PRKCZ: variants seen among roughly 807,000 people sequenced by gnomAD.
PRKCZ encodes protein kinase C zeta.
Under a neutral mutation model 79.5 loss-of-function variants are expected in PRKCZ, and 33 were observed. The observed-to-expected ratio is 0.41, with a 90% CI of 0.31 to 0.55. PRKCZ has a LOEUF of 0.55. Among genes scored for constraint, PRKCZ ranks in the 20% least tolerant of loss-of-function variants. PRKCZ has a pLI of 0.19. For missense variants in PRKCZ, 578 were observed against 813.5 expected (o/e 0.71, Z 3.52); for synonymous variants, 342 against 320.9 (o/e 1.07, Z -0.70).
intron 4 of PRKCZ, among the ~76,000 whole-genome samples, chr1:2,123,978 CGGTGGTTAGGGTCGT>C (rs1477853170): frequency 9.3e-5 from 1 of 10,764 alleles, no homozygotes; most frequent in Non-Finnish European, 1.8e-4. Flanking sequence ...AGGGTCACGG[CGGTGGTTAGGGTCGT>C]GGTGGTTAGG....
At chr1:2,076,900 T>C (rs1662528803) in intron 4 of PRKCZ, among the ~76,000 whole-genome samples, 1 of 152,142 alleles carries the variant, frequency 6.6e-6, no homozygotes, top group African/African-American at 2.4e-5. Flanking sequence ...GCCCGGCAGC[T>C]CATTTCTAGG....
At chr1:2,060,990 A>G (rs564579425) in intron 4 of PRKCZ, among the ~76,000 whole-genome samples, 17 of 152,210 alleles carry the variant, frequency 1.1e-4, no homozygotes, top group Non-Finnish European at 1.6e-4. Flanking sequence ...TTTTATAGAT[A>G]CATAAACACA....
intron 4 of PRKCZ, among the ~76,000 whole-genome samples, chr1:2,110,366 C>T (rs2102699981): frequency 6.6e-6 from 1 of 152,362 alleles, no homozygotes; most frequent in South Asian, 2.1e-4. Context: ...TCCCTCTCTG[C>T]AGCTCCGGCA....
chr1:2,062,101 G>A (rs1660727742), intron 4 of PRKCZ, among the ~76,000 whole-genome samples: 1 of 152,076 alleles, frequency 6.6e-6, no homozygotes, highest in Admixed American at 6.6e-5. Flanking sequence ...ACCGTCAGCA[G>A]AGGACCTTCT....
At position 2,135,314 on chromosome 1, in the gene PRKCZ, C is replaced by G; in HGVS notation, c.387C>G (p.Asn129Lys). Residue 129 changes from asparagine to lysine, a missense_variant, in exon 5 of 18, where the codon AAC (asparagine) becomes AAG (lysine). Around this residue, in one of 4 missense-constraint regions of PRKCZ, gnomAD observed 228 missense variants for 211.6 expected, o/e 1.08. Transcript: ENST00000378567. Reference sequence around the variant, plus strand: ...GATGGAGGAAGCTGTACCGTGCCAACGGCCACCTCTTCCAAGCCAAGCGCT... The same window carrying G: ...GATGGAGGAAGCTGTACCGTGCCAAGGGCCACCTCTTCCAAGCCAAGCGCT... ...ARRWRKLYRA[N>K]GHLFQAKRFN... 6.2e-7 allele frequency: 1 copy of G among 1,613,384 alleles called. No individual in the cohort carries two copies. The highest frequency in any genetic ancestry group is 8.5e-7 in the Non-Finnish European group (1 of 1,179,784).
intron 4 of PRKCZ, among the ~76,000 whole-genome samples, chr1:2,067,918 CTG>C (rs1185972112): frequency 1.3e-5 from 2 of 152,232 alleles, no homozygotes; most frequent in Non-Finnish European, 2.9e-5. Context: ...CTTTGCCTGT[CTG>C]TGTCTGGGGT....
At chr1:2,065,048 T>C (rs1263221526) in intron 4 of PRKCZ, among the ~76,000 whole-genome samples, 1 of 152,250 alleles carries the variant, frequency 6.6e-6, no homozygotes, top group Non-Finnish European at 1.5e-5. Flanking sequence ...CAGTTTTCCT[T>C]GTACAAGTCT....
chr1:2,074,323 T>C, intron 4 of PRKCZ: 1 of 1,538,550 alleles, frequency 6.5e-7, no homozygotes. Flanking sequence ...TGTGGAGGGC[T>C]GGGGGCCGGG....
chr1:2,172,785 G>A lies in PRKCZ; in HGVS notation c.1285+397G>A, dbSNP rs887017886. Among the ~76,000 whole-genome samples the A allele has an allele frequency of 3.9e-5, 6 of 152,248 alleles. No individual in the cohort carries two copies. The highest frequency in any genetic ancestry group is 7.2e-5 in the African/African-American group (3 of 41,468). On this transcript the variant is annotated intron_variant, in intron 13 of 17. Transcript: ENST00000378567. The surrounding 1 kb of genome is among the most constrained non-coding windows in gnomAD (Gnocchi z 7.8). ...GTGGACAGGACCCCACAGGCCCTGC[G>A]GCTGAGGACGCCGTGCACACCAGAG...
At chr1:2,158,561 T>C (rs1681573367) in intron 10 of PRKCZ, among the ~76,000 whole-genome samples, 1 of 152,244 alleles carries the variant, frequency 6.6e-6, no homozygotes, top group Non-Finnish European at 1.5e-5. Flanking sequence ...CTGCCATCCC[T>C]TGCGATTTGG....
At chr1:2,087,045 G>T (rs1435093432) in intron 4 of PRKCZ, among the ~76,000 whole-genome samples, 1 of 152,008 alleles carries the variant, frequency 6.6e-6, no homozygotes, top group Non-Finnish European at 1.5e-5. Context: ...GGCTTTATTT[G>T]TTTCTGTTTG....
chr1:2,109,338 C>T (rs4648806), intron 4 of PRKCZ, among the ~76,000 whole-genome samples: 116,916 of 151,876 alleles, frequency 0.77, 47,580 homozygotes, highest in Non-Finnish European at 0.88. Context: ...GGGCGATGGT[C>T]GGGGGGCACC....
intron 10 of PRKCZ, among the ~76,000 whole-genome samples, chr1:2,160,459 C>A (rs908598465): frequency 2.6e-5 from 4 of 151,990 alleles, no homozygotes; most frequent in Non-Finnish European, 5.9e-5. Flanking sequence ...AGGAGGGGCT[C>A]ATGGGGGACA....
At chr1:2,095,983 G>A (rs1464115302) in intron 4 of PRKCZ, among the ~76,000 whole-genome samples, 5 of 145,260 alleles carry the variant, frequency 3.4e-5, no homozygotes, top group Non-Finnish European at 6.0e-5. Context: ...CCAGGGGCCA[G>A]GGCAGGGCTG....
At chr1:2,131,866 C>T (rs1369682934) in intron 4 of PRKCZ, among the ~76,000 whole-genome samples, 3 of 152,246 alleles carry the variant, frequency 2.0e-5, no homozygotes, top group Non-Finnish European at 4.4e-5. Flanking sequence ...GGCTGGAGTG[C>T]AGTGGCGCGA....
chr1:2,183,478 G>A (rs1342462061), intron 16 of PRKCZ: 1 of 151,980 alleles, frequency 6.6e-6, no homozygotes, highest in African/African-American at 2.4e-5. Flanking sequence ...AATGGGAGTG[G>A]GTTAGAGAGG....
intron 4 of PRKCZ, among the ~76,000 whole-genome samples, chr1:2,090,684 G>A (rs1665340204): frequency 6.6e-6 from 1 of 152,346 alleles, no homozygotes; most frequent in South Asian, 2.1e-4. Context: ...TGCGTGTGTG[G>A]TTTTGCTCAT....
chr1:2,059,970 G>A (rs1660522588), intron 4 of PRKCZ, among the ~76,000 whole-genome samples: 1 of 152,218 alleles, frequency 6.6e-6, no homozygotes, highest in African/African-American at 2.4e-5. Flanking sequence ...CTGAGCTGGT[G>A]TGGGGGCTCC....
At chr1:2,134,197 C>G (rs1675677971) in intron 4 of PRKCZ, among the ~76,000 whole-genome samples, 1 of 152,200 alleles carries the variant, frequency 6.6e-6, no homozygotes, top group Non-Finnish European at 1.5e-5. Context: ...CTGGAGGACC[C>G]CTGACTTCTT....
Sources: gnomAD v4.1 joint callset for allele counts (sites outside exome capture counted in the v4.1 genomes callset) on GRCh38, gnomAD v4.1.1 for gene constraint, gnomAD v4.1.1 regional missense constraint, Gnocchi (gnomAD v3.1) non-coding constraint, MANE v1.5 for transcripts, NCBI Gene and HGNC (gene_info 2026-07-23, HGNC 2026-07-21) for gene names.